RPAIN: variants seen among roughly 807,000 people sequenced by gnomAD.
RPAIN encodes the protein RPA-interacting protein.
In RPAIN, 29 loss-of-function variants were observed where a neutral mutation model predicts 30.5. The observed-to-expected ratio is 0.95, with a 90% CI of 0.71 to 1.30. RPAIN has a LOEUF of 1.30. Among genes scored for constraint, RPAIN ranks in the 50% most tolerant of loss-of-function variants. RPAIN has a pLI of 0.00. For missense variants in RPAIN, 247 were observed against 264.7 expected (o/e 0.93, Z 0.46); for synonymous variants, 101 against 93.5 (o/e 1.08, Z -0.46).
At chr17:5,432,079 T>C (rs1275963885) in intron 6 of RPAIN, 1 of 220,454 alleles carries the variant, frequency 4.5e-6, no homozygotes, top group African/African-American at 2.3e-5. Context: ...TACACTCAGG[T>C]GCTTACTGAT....
intron 6 of RPAIN, chr17:5,428,822 GTAT>G (rs1159065791): frequency 3.0e-6 from 3 of 987,348 alleles, no homozygotes; most frequent in East Asian, 1.1e-4. Flanking sequence ...AATATGATAC[GTAT>G]TATTATTGCT....
At chr17:5,425,351 T>G (rs1159299577) in intron 3 of RPAIN, 1 of 455,564 alleles carries the variant, frequency 2.2e-6, no homozygotes, top group Admixed American at 2.4e-5. Context: ...TTTTTTTTTT[T>G]TTGACACAGA....
rs1916061981 is a variant in RPAIN at position 5,432,369 on chromosome 17, C to T, written c.631-173C>T. 15 of 623,930 alleles carry T rather than the reference C, an allele frequency of 2.4e-5. 1 individual carries two copies. The South Asian group carries it at 2.9e-4, about 12-fold the overall frequency. The allele number at this position is 623,930 out of a possible 1,614,324, so 38.6% of individuals were successfully genotyped here. ...GTTTGAAGGCTGCAGGACAGAGGTC[C>T]AGCAATGCCAAAGAGGGGCGGTCAT... On this transcript the variant is annotated intron_variant, in intron 6 of 6. Coordinates refer to ENST00000381209, the MANE Select transcript of RPAIN (RefSeq NM_001033002.4).
chr17:5,429,498 G>A, intron 6 of RPAIN: 1 of 983,940 alleles, frequency 1.0e-6, no homozygotes, highest in Non-Finnish European at 1.2e-6. Context: ...ACTAATAAGC[G>A]ATAGAGCTGG....
intron 3 of RPAIN, among the ~76,000 whole-genome samples, chr17:5,424,696 G>A (rs953374703): frequency 6.6e-6 from 1 of 152,108 alleles, no homozygotes; most frequent in African/African-American, 2.4e-5. Context: ...TTTGAAATAA[G>A]GATAATAATA....
intron 2 of RPAIN, 52 bp downstream of exon 2, chr17:5,421,518 G>C: frequency 6.5e-7 from 1 of 1,527,642 alleles, no homozygotes; most frequent in African/African-American, 1.4e-5. Context: ...ACCAAGAACG[G>C]CTCGTGTCCT....
At chr17:5,432,430 G>A (rs561577122) in intron 6 of RPAIN, 112 bp from the exon 7 acceptor site, 23 of 986,688 alleles carry the variant, frequency 2.3e-5, no homozygotes, top group Middle Eastern at 2.4e-4. Context: ...ATTGAAACTG[G>A]ACTCAGGAGA....
At chr17:5,422,439 C>A (rs1914958803) in intron 2 of RPAIN, among the ~76,000 whole-genome samples, 1 of 152,142 alleles carries the variant, frequency 6.6e-6, no homozygotes, top group African/African-American at 2.4e-5. Context: ...GATTTTATTC[C>A]CACTTTACAG....
chr17:5,426,274 A>G lies in RPAIN; in HGVS notation c.464A>G (p.Gln155Arg), dbSNP rs1915379530. The G allele has an allele frequency of 6.2e-7, 1 of 1,614,004 alleles. No individual in the cohort carries two copies. The highest frequency in any genetic ancestry group is 1.3e-5 in the African/African-American group (1 of 74,914). The stretch of plus-strand genomic sequence containing the variant: ...ATCACAAGCGGTGTGGTGGTGTGTC[A>G]GTGTGGCCTGTCCATCCCATCTCAT... ...LRITSGVVVC[Q>R]CGLSIPSHSS... The change falls in exon 5 of 7, where the codon CAG becomes CGG. Residue 155 changes from glutamine to arginine, a missense_variant. Gln to Arg is a conservative substitution (Grantham distance 43). Transcript: ENST00000381209.
chr17:5,420,390 C>A, intron 1 of RPAIN, 99 bp downstream of exon 1: 1 of 1,046,638 alleles, frequency 9.6e-7, no homozygotes, highest in Non-Finnish European at 1.4e-6. Flanking sequence ...GCAGGTGCCG[C>A]AGCGCGCCTG....
intron 3 of RPAIN, among the ~76,000 whole-genome samples, chr17:5,423,539 A>G (rs1915077358): frequency 1.3e-5 from 2 of 152,200 alleles, no homozygotes; most frequent in Middle Eastern, 3.4e-3. Context: ...AAATAAAAAA[A>G]AGTAAACCTG....
rs1597344269 is a variant in RPAIN at position 5,427,973 on chromosome 17, A to T, written c.490-98A>T. ...AGGCTCCAAGGAGTCAAGCCATCAC[A>T]GTGAGCCACGGTTATATTGGTTGGC... On this transcript the variant is annotated intron_variant, in intron 5 of 6. Transcript: ENST00000381209. 4 of 1,199,656 alleles carry T rather than the reference A, an allele frequency of 3.3e-6. No homozygotes were observed. In the East Asian group the frequency reaches 9.3e-5, roughly 28 times the overall value. 74.3% of individuals were successfully genotyped at this position (1,199,656 alleles called of 1,614,324 possible).
chr17:5,426,207 A>G, intron 4 of RPAIN, 29 bp from the exon 5 acceptor site: 1 of 1,611,912 alleles, frequency 6.2e-7, no homozygotes, highest in Non-Finnish European at 8.5e-7. Flanking sequence ...GGTGGCCATG[A>G]TGCTCTGGGA....
At chr17:5,422,153 A>C (rs1488898993) in intron 2 of RPAIN, among the ~76,000 whole-genome samples, 1 of 152,206 alleles carries the variant, frequency 6.6e-6, no homozygotes, top group Non-Finnish European at 1.5e-5. Flanking sequence ...AGAACACTGG[A>C]TTCGAAGTCA....
At chr17:5,431,348 G>A (rs1371501943) in intron 6 of RPAIN, 4 of 415,224 alleles carry the variant, frequency 9.6e-6, no homozygotes, top group East Asian at 7.2e-5. Flanking sequence ...TTAGCTGGGT[G>A]TGGTGGCTCG....
chr17:5,431,750 G>A (rs1915976846), intron 6 of RPAIN: 1 of 423,774 alleles, frequency 2.4e-6, no homozygotes, highest in East Asian at 7.1e-5. Context: ...TGTTTCGGAT[G>A]TGGCGGTGCT....
Position 5,421,428 on chromosome 17 carries a change from TTGC to T in RPAIN, c.215_217del (p.Leu72_Gln73delinsTer). ...GGTGATGGAAGAAGAGTGGAATGCT[TTGC>T]AGTCAGTGGAGAATTGTCCAGAAGA... On this transcript the variant is annotated stop_gained and inframe_deletion, in exon 2 of 7. Transcript: ENST00000381209. LOFTEE classifies it high-confidence loss of function. 1 of 1,614,080 alleles carries T rather than the reference TTGC, an allele frequency of 6.2e-7. No individual in the cohort carries two copies. Among genetic ancestry groups the T allele is most frequent in the Non-Finnish European group, 8.5e-7 (1 of 1,179,978 alleles).
Position 5,428,017 on chromosome 17 carries a change from C to T in RPAIN, c.490-54C>T, listed in dbSNP as rs1194444190. The T allele has an allele frequency of 1.9e-6, 3 of 1,571,380 alleles. No homozygotes were observed. In the Admixed American group the frequency reaches 5.0e-5, roughly 26 times the overall value. ...GGTTGGCATGAGGAATGAGGATTTTCCATCTGTTGGCTATCAAGTCACTGA... is the reference window on the plus strand; with the variant it reads ...GGTTGGCATGAGGAATGAGGATTTTTCATCTGTTGGCTATCAAGTCACTGA... On this transcript the variant is annotated intron_variant, in intron 5 of 6. Coordinates refer to ENST00000381209, the MANE Select transcript of RPAIN (RefSeq NM_001033002.4).
intron 4 of RPAIN, 63 bp downstream of exon 4, chr17:5,426,145 A>C (rs1915365620): frequency 6.5e-7 from 1 of 1,548,346 alleles, no homozygotes; most frequent in Non-Finnish European, 8.9e-7. Flanking sequence ...AGGTGAGTGG[A>C]ATCTCCCCCC....
Sources: allele counts gnomAD v4.1 joint callset (sites outside exome capture counted in the v4.1 genomes callset), GRCh38; gene constraint gnomAD v4.1.1; transcripts MANE v1.5; gene names NCBI Gene and HGNC (gene_info 2026-07-23, HGNC 2026-07-21).